The following FAAP100 variants were observed in gnomAD, a reference collection of about 807,000 sequenced individuals.
FAAP100 encodes Fanconi anemia core complex-associated protein 100.
Under a neutral mutation model 65.8 loss-of-function variants are expected in FAAP100, and 46 were observed. The observed-to-expected ratio is 0.70, with a 90% CI of 0.55 to 0.89. FAAP100 has a LOEUF of 0.89. Among genes scored for constraint, FAAP100 ranks in the 40% least tolerant of loss-of-function variants. The pLI is 0.00. For missense variants in FAAP100, 1,165 were observed against 1,196.7 expected, an observed-to-expected ratio of 0.97 and a Z score of 0.39; for synonymous variants, 663 against 555.1, an observed-to-expected ratio of 1.19 and a Z score of -2.73.
Position 81,551,121 on chromosome 17 carries a change from G to A in FAAP100, c.373C>T (p.Leu125Phe), listed in dbSNP as rs1423541245. Residue 125 changes from leucine to phenylalanine, a missense_variant, in exon 3 of 9, where the codon CTT becomes TTT. Transcript: ENST00000327787. The stretch of plus-strand genomic sequence containing the variant: ...AACGCGCACAGCGCAGCATCGGGAA[G>A]GATGCAGGCATCGGGGTCCACAGGG... ...VIPVDPDACI[L>F]PDAALCAFTL... 6 of 1,552,876 alleles carry A rather than the reference G, an allele frequency of 3.9e-6. No homozygotes were observed. The highest frequency in any genetic ancestry group is 5.2e-6 in the Non-Finnish European group (6 of 1,148,158).
At position 81,547,191 on chromosome 17, in the gene FAAP100, C is replaced by A; in HGVS notation, c.1891G>T (p.Val631Phe). Residue 631 changes from valine to phenylalanine, a missense_variant, in exon 5 of 9, where the codon GTC (valine) becomes TTC (phenylalanine). By Grantham distance (50) the Val-to-Phe change is conservative. Transcript: ENST00000327787. ...CAAACACCCTCTTGCTCGGGCAGGA[C>A]GTCGGAGGGGCACTCATCCAGAAAG... ...DPFLDECPSD[V>F]LPEQEGVCLP... is the part of the protein sequence containing the mutation. 4 of 1,557,038 alleles carry A rather than the reference C, an allele frequency of 2.6e-6. No homozygotes were observed. Among genetic ancestry groups the A allele is most frequent in the Non-Finnish European group, 2.6e-6 (3 of 1,148,904 alleles).
At chr17:81,545,097 G>A (rs375338186) in intron 6 of FAAP100, among the ~76,000 whole-genome samples, 1 of 152,224 alleles carries the variant, frequency 6.6e-6, no homozygotes, top group East Asian at 1.9e-4. Flanking sequence ...TTGAACCCAG[G>A]AGGCAGACGT....
At position 81,550,567 on chromosome 17, in the gene FAAP100, A is replaced by G. The variant is rs781386242; in HGVS notation, c.927T>C (p.Cys309=). 6.2e-7 allele frequency: 1 copy of G among 1,612,924 alleles called. No individual in the cohort carries two copies. Among genetic ancestry groups the G allele is most frequent in the Non-Finnish European group, 8.5e-7 (1 of 1,180,028 alleles). Residue 309 remains cysteine (C), a synonymous_variant, in exon 3 of 9, where the codon TGT becomes TGC. Transcript: ENST00000327787. ...ENFLPDEDVH[C]DCLVAFGHHG... ...GGTGACCAAAGGCCACCAGGCAGTC[A>G]CAGTGCACATCCTCGTCAGGCAGAA...
chr17:81,540,993 TG>T, intron 8 of FAAP100, 43 bp from the exon 9 acceptor site: 1 of 1,526,372 alleles, frequency 6.6e-7, no homozygotes, highest in Non-Finnish European at 8.8e-7. Flanking sequence ...CACCTGGCCC[TG>T]GGGATGTCAC....
chr17:81,550,247 C>A lies in FAAP100; in HGVS notation c.1246+1G>T. ...CTTTCATTTTAGACAGCAGCTCATA[C>A]CTTCATGCGTCCTGGGAGACGCGGA... On this transcript the variant is annotated splice_donor_variant, in intron 3 of 8. Transcript: ENST00000327787. LOFTEE classifies it high-confidence loss of function. 6.3e-7 allele frequency: 1 copy of A among 1,592,950 alleles called. No individual in the cohort carries two copies. The highest frequency in any genetic ancestry group is 8.6e-7 in the Non-Finnish European group (1 of 1,167,680).
Position 81,550,941 on chromosome 17 carries a change from G to T in FAAP100, c.553C>A (p.Pro185Thr). 1 of 1,612,198 alleles carries T rather than the reference G, an allele frequency of 6.2e-7. No homozygotes were observed. The highest frequency in any genetic ancestry group is 8.5e-7 in the Non-Finnish European group (1 of 1,179,682). Reference sequence around the variant, plus strand: ...AAGTGGGGGGCTGCAGGCTTTCCTGGGACCCCGGCTGGGGGCGTGTAGGAG... The same window carrying T: ...AAGTGGGGGGCTGCAGGCTTTCCTGTGACCCCGGCTGGGGGCGTGTAGGAG... ...LSSYTPPAGV[P>T]GKPAAPHFLP... Residue 185 changes from proline to threonine, a missense_variant, in exon 3 of 9, where the codon CCA becomes ACA. Coordinates refer to ENST00000327787, the MANE Select transcript of FAAP100 (RefSeq NM_025161.6).
At chr17:81,545,507 C>A (rs2033267036) in intron 6 of FAAP100, among the ~76,000 whole-genome samples, 1 of 152,176 alleles carries the variant, frequency 6.6e-6, no homozygotes, top group Non-Finnish European at 1.5e-5. Context: ...GAAGGGGACC[C>A]CCATGGCAGA....
At position 81,540,552 on chromosome 17, in the gene FAAP100, G is replaced by T; in HGVS notation, c.*267C>A. 1 of 435,036 alleles carries T rather than the reference G, an allele frequency of 2.3e-6. No individual in the cohort carries two copies. Among genetic ancestry groups the T allele is most frequent in the Non-Finnish European group, 4.0e-6 (1 of 248,650 alleles). The allele number at this position is 435,036 out of a possible 1,614,324, so 26.9% of individuals were successfully genotyped here. A position where few individuals can be genotyped will look rare whatever the true frequency, so the allele number is the denominator to read the frequency against. On this transcript the variant is annotated 3_prime_UTR_variant, in exon 9 of 9. Coordinates refer to ENST00000327787, the MANE Select transcript of FAAP100 (RefSeq NM_025161.6). The stretch of plus-strand genomic sequence containing the variant: ...GAAGGCGAGTGCAGGGGCTGCGGCC[G>T]CGGTCAGAGAAGGAGAGACACCAGC...
In FAAP100 at chr17:81,549,264, CTG is replaced by C; in HGVS notation, c.1343_1344del (p.Thr448ArgfsTer19). 6.2e-7 allele frequency: 1 copy of C among 1,613,250 alleles called. No homozygotes were observed. On this transcript the variant is annotated frameshift_variant, in exon 4 of 9. Transcript: ENST00000327787. LOFTEE classifies it high-confidence loss of function. ...SEMPGPARMT[T>X]ESAGQKIKEL... is the part of the protein sequence containing the mutation. ...TCCTTTATTTTCTGACCTGCACTCT[CTG>C]TGGTCATCCTGGCTGGGCCAGGCAT...
rs761033560 is a variant in FAAP100 at position 81,547,604 on chromosome 17, C to T, written c.1478G>A (p.Ser493Asn). The T allele has an allele frequency of 1.2e-6, 2 of 1,613,576 alleles. No homozygotes were observed. The highest frequency in any genetic ancestry group is 3.3e-5 in the Admixed American group (2 of 60,036). ...LTSLNEAMNV[S>N]CALLSSGTGP... is the part of the protein sequence containing the mutation. ...CGTGCCGCTTGACAGCAGTGCACAG[C>T]TCACGTTCATGGCCTCGTTGAGGCT... is the stretch of plus-strand genomic sequence containing the variant. Residue 493 changes from serine (S) to asparagine (N), a missense_variant, in exon 5 of 9, where the codon AGC becomes AAC. By Grantham distance (46) the Ser-to-Asn change is conservative (BLOSUM62 1). Transcript: ENST00000327787.
chr17:81,550,121 G>A (rs560302285), intron 3 of FAAP100, 127 bp downstream of exon 3: 1 of 931,878 alleles, frequency 1.1e-6, no homozygotes, highest in Non-Finnish European at 1.6e-6. Flanking sequence ...CCACTAGGCT[G>A]TATCAGCACC....
At position 81,551,146 on chromosome 17, in the gene FAAP100, G is replaced by A; in HGVS notation, c.348C>T (p.Ile116=). The A allele has an allele frequency of 1.9e-6, 3 of 1,547,368 alleles. No individual in the cohort carries two copies. The highest frequency in any genetic ancestry group is 1.7e-6 in the Non-Finnish European group (2 of 1,144,574). Residue 116 remains isoleucine, a synonymous_variant, in exon 3 of 9, where the codon ATC becomes ATT. Coordinates refer to ENST00000327787, the MANE Select transcript of FAAP100 (RefSeq NM_025161.6). The part of the protein sequence containing the change: ...SEDGDQPSPV[I]PVDPDACILP... The stretch of plus-strand genomic sequence containing the variant: ...GGATGCAGGCATCGGGGTCCACAGG[G>A]ATCACGGGGGAAGGCTGGTCACCGT...
intron 3 of FAAP100, 135 bp from the exon 4 acceptor site, chr17:81,549,497 T>C (rs544145965): frequency 8.5e-6 from 10 of 1,177,124 alleles, no homozygotes; most frequent in Non-Finnish European, 1.2e-5. Flanking sequence ...GAAGAGAAAG[T>C]CCCAAGGCAA....
intron 2 of FAAP100, 97 bp downstream of exon 2, chr17:81,551,831 C>A: frequency 7.2e-7 from 1 of 1,394,842 alleles, no homozygotes; most frequent in Non-Finnish European, 9.2e-7. Context: ...CTGGCGGCAG[C>A]CCGGGTCCCC....
chr17:81,542,301 T>C (rs1019208834), intron 7 of FAAP100, among the ~76,000 whole-genome samples: 4 of 144,654 alleles, frequency 2.8e-5, no homozygotes, highest in African/African-American at 1.0e-4. Flanking sequence ...GGAGAATTGC[T>C]TGAACCTGGG....
At chr17:81,548,017 C>T (rs562860039) in intron 4 of FAAP100, 27 of 696,694 alleles carry the variant, frequency 3.9e-5, no homozygotes, top group African/African-American at 1.9e-4. Flanking sequence ...ACGCAGGGGC[C>T]GGGTGGTGCA....
In FAAP100 at chr17:81,552,345, C is replaced by T. The variant is rs1199044339; in HGVS notation, c.-15G>A. On this transcript the variant is annotated 5_prime_UTR_variant, in exon 1 of 9. Coordinates refer to ENST00000327787, the MANE Select transcript of FAAP100 (RefSeq NM_025161.6). ...GCGCCGGCCATCGTGCGCGCGGGCC[C>T]GTCAGAGTGAGAAGCCCCGGCCGCG... is the stretch of plus-strand genomic sequence containing the variant. 1.5e-6 allele frequency: 2 copies of T among 1,357,948 alleles called. No individual in the cohort carries two copies. Among genetic ancestry groups the T allele is most frequent in the East Asian group, 3.1e-5 (1 of 32,326 alleles). The allele number at this position is 1,357,948 out of a possible 1,614,324, so 84.1% of individuals were successfully genotyped here.
rs139369012 is a variant in FAAP100 at position 81,550,288 on chromosome 17, G to A, written c.1206C>T (p.Cys402=). The A allele has an allele frequency of 3.5e-4, 557 of 1,611,426 alleles. 3 individuals are homozygous for A. In the African/African-American group the frequency reaches 6.5e-3, roughly 19 times the overall value. Residue 402 remains cysteine, a synonymous_variant, in exon 3 of 9, where the codon TGC becomes TGT. Coordinates refer to ENST00000327787, the MANE Select transcript of FAAP100 (RefSeq NM_025161.6). ...GAGACGCGGACAGCGAGACGACACT[G>A]CAGATGTTCAGGCTGGCTGGGCACA... ...PMLCPASLNI[C]SVVSLSASPR...
At position 81,547,609 on chromosome 17, in the gene FAAP100, G is replaced by A. The variant is rs766628532; in HGVS notation, c.1473C>T (p.Asn491=). The A allele has an allele frequency of 7.4e-6, 12 of 1,613,368 alleles. 1 individual carries two copies. The highest frequency in any genetic ancestry group is 4.4e-5 in the South Asian group (4 of 91,092). The part of the protein sequence containing the change: ...KALTSLNEAM[N]VSCALLSSGT... ...CGCTTGACAGCAGTGCACAGCTCAC[G>A]TTCATGGCCTCGTTGAGGCTTGTCA... is the stretch of plus-strand genomic sequence containing the variant. The change falls in exon 5 of 9, where the codon AAC becomes AAT. Residue 491 remains asparagine, a synonymous_variant. Transcript: ENST00000327787.
Sources: allele counts gnomAD v4.1 joint callset (sites outside exome capture counted in the v4.1 genomes callset), GRCh38; gene constraint gnomAD v4.1.1; transcripts MANE v1.5; gene names NCBI Gene and HGNC (gene_info 2026-07-23, HGNC 2026-07-21).